Variants in TENM3 observed in about 807,000 individuals in gnomAD.
The protein encoded by TENM3 is teneurin-3.
A neutral mutation model predicts 255.1 loss-of-function variants in TENM3; 63 were observed. The ratio of observed to expected loss-of-function variants is 0.25; its 90% CI spans 0.20 to 0.30. The LOEUF is 0.30. TENM3 is among the 10% of genes least tolerant of loss of function. The probability of loss-of-function intolerance (pLI) is 1.00; values close to 1 mark genes in which losing one functional copy is unlikely to be tolerated. For synonymous variants in TENM3, 1,306 were observed against 1,322.3 expected, an observed-to-expected ratio of 0.99 and a Z score of 0.27; for missense variants, 2,929 against 3,461.1, an observed-to-expected ratio of 0.85 and a Z score of 3.86.
the TENM3 span, among the ~76,000 whole-genome samples, chr4:182,044,172 A>T: frequency 2.0e-5 from 3 of 152,216 alleles, no homozygotes; most frequent in East Asian, 5.8e-4. Context: ...CCATCCACAT[A>T]CCACCAAGCT....
At chr4:182,469,254 A>G (rs1011201318) in intron 3 of TENM3, among the ~76,000 whole-genome samples, 1 of 152,332 alleles carries the variant, frequency 6.6e-6, no homozygotes, top group East Asian at 1.9e-4. Flanking sequence ...CTCTGCTATC[A>G]TATGCCCCAA....
chr4:182,167,845 C>T (rs1751825397), intron 1 of TENM3, among the ~76,000 whole-genome samples: 1 of 152,180 alleles, frequency 6.6e-6, no homozygotes, highest in South Asian at 2.1e-4. Flanking sequence ...GATCATGCCA[C>T]TGTGCTCCAG....
the TENM3 span, among the ~76,000 whole-genome samples, chr4:181,450,478 G>T: frequency 6.6e-6 from 1 of 152,164 alleles, no homozygotes; most frequent in Non-Finnish European, 1.5e-5. Flanking sequence ...AAGGGCATCT[G>T]CTCCTTTTCC....
chr4:182,473,208 C>G (rs1032336237), intron 3 of TENM3, among the ~76,000 whole-genome samples: 1 of 152,086 alleles, frequency 6.6e-6, no homozygotes, highest in African/African-American at 2.4e-5. Context: ...GCAACAAATG[C>G]AGCCATATAT....
chr4:181,683,079 GATAA>G, the TENM3 span, among the ~76,000 whole-genome samples: 2,622 of 151,478 alleles, frequency 0.017, 76 homozygotes, highest in African/African-American at 0.059. Flanking sequence ...AATAAAAATA[GATAA>G]ATAAAATTTT....
At chr4:181,546,489 C>G in the TENM3 span, among the ~76,000 whole-genome samples, 13 of 151,260 alleles carry the variant, frequency 8.6e-5, no homozygotes, top group Non-Finnish European at 1.3e-4. Flanking sequence ...GCCGAGGCGG[C>G]TGGATCACGA....
the TENM3 span, among the ~76,000 whole-genome samples, chr4:181,613,849 C>T: frequency 2.6e-5 from 4 of 152,130 alleles, no homozygotes; most frequent in Non-Finnish European, 4.4e-5. Flanking sequence ...CATTAGTGGG[C>T]TAAGAGTGTG....
intron 3 of TENM3, among the ~76,000 whole-genome samples, chr4:182,389,089 A>T (rs1561396102): frequency 6.6e-6 from 1 of 152,224 alleles, no homozygotes; most frequent in Non-Finnish European, 1.5e-5. Flanking sequence ...TTCTCAATAC[A>T]TCCCACATCA....
chr4:181,770,900 A>G, the TENM3 span, among the ~76,000 whole-genome samples: 1 of 152,204 alleles, frequency 6.6e-6, no homozygotes, highest in Non-Finnish European at 1.5e-5. Flanking sequence ...TTAACTCTTT[A>G]TACAATTATC....
the TENM3 span, chr4:181,975,663 A>C: frequency 6.6e-6 from 1 of 152,468 alleles, no homozygotes; most frequent in Non-Finnish European, 1.5e-5. Flanking sequence ...CAGCTACTGC[A>C]GGGAGCCAGG....
chr4:182,013,957 CACATATAT>C, the TENM3 span, among the ~76,000 whole-genome samples: 1 of 114,306 alleles, frequency 8.7e-6, no homozygotes, highest in Middle Eastern at 3.9e-3. Flanking sequence ...CGTATATACA[CACATATAT>C]ACGTATATAT....
At chr4:182,124,851 C>A in the TENM3 span, among the ~76,000 whole-genome samples, 1 of 152,242 alleles carries the variant, frequency 6.6e-6, no homozygotes, top group South Asian at 2.1e-4. Flanking sequence ...TTAAATTGCA[C>A]GCTGGTCTGA....
intron 22 of TENM3, chr4:182,755,460 T>A: frequency 1.8e-6 from 1 of 541,546 alleles, no homozygotes; most frequent in Non-Finnish European, 3.2e-6. Context: ...GAGGATTGCT[T>A]GAGCCCAGGA....
At chr4:182,146,188 CAA>C (rs1477306721) in intron 1 of TENM3, among the ~76,000 whole-genome samples, 1 of 152,128 alleles carries the variant, frequency 6.6e-6, no homozygotes, top group East Asian at 1.9e-4. Flanking sequence ...TCAATTAAAA[CAA>C]GATTTTATAA....
At chr4:182,015,661 A>G in the TENM3 span, among the ~76,000 whole-genome samples, 1 of 151,956 alleles carries the variant, frequency 6.6e-6, no homozygotes, top group Non-Finnish European at 1.5e-5. Context: ...CCTGGGTTCA[A>G]GTGATTCTCC....
chr4:182,695,436 G>T (rs1757326352), intron 12 of TENM3, among the ~76,000 whole-genome samples: 1 of 152,200 alleles, frequency 6.6e-6, no homozygotes, highest in Non-Finnish European at 1.5e-5. Flanking sequence ...TTTTCCTTGT[G>T]CAGGGTGGCA....
chr4:181,851,509 A>C, the TENM3 span, among the ~76,000 whole-genome samples: 6,461 of 152,264 alleles, frequency 0.042, 183 homozygotes, highest in Non-Finnish European at 0.068. Context: ...TCTGTAGGGT[A>C]GATACGAGCC....
the TENM3 span, among the ~76,000 whole-genome samples, chr4:181,782,834 T>C: frequency 8.5e-5 from 13 of 152,210 alleles, no homozygotes; most frequent in Non-Finnish European, 1.3e-4. Context: ...TTGTTCTCAT[T>C]GGTTTCAAAG....
At chr4:181,918,067 TTC>T in the TENM3 span, among the ~76,000 whole-genome samples, 14 of 152,334 alleles carry the variant, frequency 9.2e-5, no homozygotes, top group East Asian at 1.9e-4. Context: ...CATCAGTTTC[TTC>T]TCTCTAAAAG....
Sources: gnomAD v4.1 joint callset for allele counts (sites outside exome capture counted in the v4.1 genomes callset) on GRCh38, gnomAD v4.1.1 for gene constraint, MANE v1.5 for transcripts, NCBI Gene and HGNC (gene_info 2026-07-23, HGNC 2026-07-21) for gene names.